Variants in CPB1 observed in about 807,000 individuals in gnomAD.
CPB1 encodes the protein carboxypeptidase B1, also known as carboxypeptidase B.
A neutral mutation model predicts 51.4 loss-of-function variants in CPB1; 53 were observed. The ratio of observed to expected loss-of-function variants is 1.03; its 90% CI spans 0.83 to 1.30. The LOEUF is 1.30. Ranked by LOEUF, CPB1 falls within the 50% of genes most tolerant of loss-of-function variation. The pLI, the probability that CPB1 is intolerant of heterozygous loss-of-function variation, is 0.00. For missense variants in CPB1, 494 were observed against 516.2 expected (o/e 0.96, Z 0.42); for synonymous variants, 189 against 186.9 (o/e 1.01, Z -0.09).
At chr3:148,839,883 CT>C (rs1415478162) in intron 3 of CPB1, among the ~76,000 whole-genome samples, 2 of 152,140 alleles carry the variant, frequency 1.3e-5, no homozygotes, top group Non-Finnish European at 2.9e-5. Context: ...AAACTTTTCT[CT>C]CTTCCAAGCA....
chr3:148,836,760 G>A (rs1712917603), intron 3 of CPB1, among the ~76,000 whole-genome samples: 1 of 152,130 alleles, frequency 6.6e-6, no homozygotes, highest in African/African-American at 2.4e-5. Context: ...TCCTGGAGAA[G>A]CATACCAGCA....
At chr3:148,844,868 A>T in intron 8 of CPB1, 101 bp downstream of exon 8, 1 of 1,061,796 alleles carries the variant, frequency 9.4e-7, no homozygotes, top group Non-Finnish European at 1.4e-6. Flanking sequence ...CAAGTTTTAT[A>T]TTTTAAAGTT....
intron 6 of CPB1, among the ~76,000 whole-genome samples, chr3:148,843,642 T>G (rs1260523119): frequency 1.3e-5 from 2 of 152,104 alleles, no homozygotes; most frequent in Non-Finnish European, 2.9e-5. Flanking sequence ...TTAATTTATA[T>G]ATATAATTAC....
chr3:148,837,495 AAAG>A (rs1439302450), intron 3 of CPB1, among the ~76,000 whole-genome samples: 1 of 151,714 alleles, frequency 6.6e-6, no homozygotes, highest in Non-Finnish European at 1.5e-5. Context: ...AAAAAAAAAA[AAAG>A]GAGAAGTTGG....
At chr3:148,834,020 C>A (rs1712819641) in intron 2 of CPB1, among the ~76,000 whole-genome samples, 1 of 152,172 alleles carries the variant, frequency 6.6e-6, no homozygotes, top group African/African-American at 2.4e-5. Context: ...GGTCAGGGAT[C>A]CTCCTGGTTC....
chr3:148,853,431 T>C (rs187202354), intron 9 of CPB1, among the ~76,000 whole-genome samples: 41 of 152,310 alleles, frequency 2.7e-4, no homozygotes, highest in African/African-American at 9.4e-4. Flanking sequence ...TGGAACTCAA[T>C]GCCTGGAGAA....
In CPB1 at chr3:148,844,572, T is replaced by A. The variant is rs747357035; in HGVS notation, c.671T>A (p.Ile224Asn). Residue 224 changes from isoleucine (I) to asparagine (N), a missense_variant, in exon 7 of 11, where the codon ATC becomes AAC. Coordinates refer to ENST00000282957, the MANE Select transcript of CPB1 (RefSeq NM_001871.3). ...CCTGTGCTCAATATTGATGGCTACA[T>A]CTACACCTGGACCAAGGTATATGCA... ...VLPVLNIDGY[I>N]YTWTKSRFWR... The A allele has an allele frequency of 6.2e-7, 1 of 1,613,746 alleles. No homozygotes were observed. The highest frequency in any genetic ancestry group is 1.3e-5 in the African/African-American group (1 of 74,932).
rs1199200009 is a variant in CPB1 at position 148,844,641 on chromosome 3, T to C, written c.688-36T>C. ...GATGAAATTAAAACCAACGCCTCTC[T>C]ATTATATTTGTCCTAACTATGTAGT... On this transcript the variant is annotated intron_variant, in intron 7 of 10. Coordinates refer to ENST00000282957, the MANE Select transcript of CPB1 (RefSeq NM_001871.3). 7 of 1,612,318 alleles carry C rather than the reference T, an allele frequency of 4.3e-6. No homozygotes were observed. The East Asian group carries it at 1.6e-4, about 36-fold the overall frequency.
At chr3:148,844,956 T>C (rs1211374834) in intron 8 of CPB1, among the ~76,000 whole-genome samples, 189 bp downstream of exon 8, 9 of 151,498 alleles carry the variant, frequency 5.9e-5, no homozygotes, top group Admixed American at 5.9e-4. Context: ...CTCTGTTGCG[T>C]TCCCAGCTGT....
At chr3:148,855,878 T>C (rs953968080) in intron 9 of CPB1, 5 of 152,180 alleles carry the variant, frequency 3.3e-5, no homozygotes, top group African/African-American at 1.2e-4. Context: ...TGTAGAATGG[T>C]AGAAAATATC....
intron 9 of CPB1, among the ~76,000 whole-genome samples, chr3:148,852,721 T>G (rs1374887295): frequency 1.3e-5 from 2 of 152,242 alleles, no homozygotes; most frequent in Non-Finnish European, 2.9e-5. Flanking sequence ...TTCAGCTGAC[T>G]CACACTTCAC....
intron 2 of CPB1, among the ~76,000 whole-genome samples, chr3:148,831,786 T>C (rs1049635495): frequency 6.6e-6 from 1 of 152,234 alleles, no homozygotes; most frequent in Non-Finnish European, 1.5e-5. Flanking sequence ...CTACATCCTA[T>C]ATTTCACTCC....
intron 9 of CPB1, among the ~76,000 whole-genome samples, chr3:148,850,269 C>T (rs1713383525): frequency 6.7e-6 from 1 of 149,028 alleles, no homozygotes; most frequent in South Asian, 2.1e-4. Flanking sequence ...CAGTCACTGC[C>T]TCTTAATTGA....
intron 3 of CPB1, 131 bp downstream of exon 3, chr3:148,834,753 G>T: frequency 1.4e-6 from 1 of 692,490 alleles, no homozygotes; most frequent in Non-Finnish European, 2.3e-6. Flanking sequence ...AATAGGTAAT[G>T]GCAGAGCTGG....
Position 148,840,919 on chromosome 3 carries a change from A to G in CPB1, c.418A>G (p.Ile140Val), listed in dbSNP as rs775548505. The G allele has an allele frequency of 6.2e-7, 1 of 1,614,034 alleles. No individual in the cohort carries two copies. Among genetic ancestry groups the G allele is most frequent in the Non-Finnish European group, 8.5e-7 (1 of 1,180,028 alleles). ...AGTCGCCACTGAGAATCCAGCCCTCATCTCTCGCAGTGTTATCGGAACCAC... is the reference window on the plus strand; with the variant it reads ...AGTCGCCACTGAGAATCCAGCCCTCGTCTCTCGCAGTGTTATCGGAACCAC... ...QQVATENPAL[I>V]SRSVIGTTFE... The change falls in exon 5 of 11, where the codon ATC becomes GTC. Residue 140 changes from isoleucine (I) to valine (V), a missense_variant. By Grantham distance (29) the Ile-to-Val change is conservative (BLOSUM62 3). Transcript: ENST00000282957.
chr3:148,834,225 C>T (rs1285516533), intron 2 of CPB1, among the ~76,000 whole-genome samples: 1 of 152,182 alleles, frequency 6.6e-6, no homozygotes, highest in Non-Finnish European at 1.5e-5. Context: ...AGAACAGTTA[C>T]AGAATACAAC....
chr3:148,841,681 T>C, intron 5 of CPB1, 142 bp from the exon 6 acceptor site: 2 of 610,546 alleles, frequency 3.3e-6, no homozygotes, highest in South Asian at 2.2e-5. Context: ...GTTAGTATTA[T>C]ATTTTAATTT....
chr3:148,834,414 A>G lies in CPB1; in HGVS notation c.148-84A>G, dbSNP rs551069408. On this transcript the variant is annotated intron_variant, in intron 2 of 10. Transcript: ENST00000282957. ...GATGATTTGATTTTGAAAATAACTC[A>G]ATTCAGTAGAGCAATAATGTGCTCG... is the stretch of plus-strand genomic sequence containing the variant. 1.4e-5 allele frequency: 18 copies of G among 1,255,294 alleles called. No individual in the cohort carries two copies. The South Asian group carries it at 2.3e-4, about 16-fold the overall frequency. 77.8% of individuals were successfully genotyped at this position (1,255,294 alleles called of 1,614,324 possible).
At chr3:148,858,866 C>G (rs1308519135) in intron 10 of CPB1, among the ~76,000 whole-genome samples, 1 of 152,220 alleles carries the variant, frequency 6.6e-6, no homozygotes, top group African/African-American at 2.4e-5. Flanking sequence ...TTGAAACACA[C>G]ACATGACAAA....
Sources: allele counts gnomAD v4.1 joint callset (sites outside exome capture counted in the v4.1 genomes callset), GRCh38; gene constraint gnomAD v4.1.1; transcripts MANE v1.5; gene names NCBI Gene and HGNC (gene_info 2026-07-23, HGNC 2026-07-21).